The following SLC27A6 variants were observed in gnomAD, a reference collection of about 807,000 sequenced individuals.
SLC27A6 encodes long-chain fatty acid transport protein 6.
SLC27A6 carries 74 observed loss-of-function variants against 63.9 expected under a neutral mutation model. The observed-to-expected ratio is 1.16, with a 90% confidence interval of 0.96 to 1.40. The LOEUF (loss-of-function observed/expected upper bound fraction) is 1.40, where lower values mean the gene tolerates loss of function less well. Among genes scored for constraint, SLC27A6 ranks in the 40% most tolerant of loss-of-function variants. SLC27A6 has a pLI of 0.00. For missense variants in SLC27A6, 794 were observed against 732.9 expected (o/e 1.08, Z -0.96); for synonymous variants, 287 against 260.8 (o/e 1.10, Z -0.97).
intron 9 of SLC27A6, among the ~76,000 whole-genome samples, chr5:129,030,904 A>T (rs936088159): frequency 1.3e-5 from 2 of 152,000 alleles, no homozygotes; most frequent in Admixed American, 6.6e-5. Context: ...TAAAGATATG[A>T]ATAATTTCAA....
chr5:128,984,698 G>A (rs564562853), intron 1 of SLC27A6, among the ~76,000 whole-genome samples: 31 of 152,290 alleles, frequency 2.0e-4, no homozygotes, highest in African/African-American at 7.2e-4. Context: ...AGCAGTCGGG[G>A]ATTCTCCCAA....
intron 5 of SLC27A6, among the ~76,000 whole-genome samples, chr5:129,021,997 A>T (rs1218659884): frequency 2.6e-5 from 4 of 152,192 alleles, no homozygotes; most frequent in Non-Finnish European, 5.9e-5. Context: ...ATGTTAAAAC[A>T]GGAGAGAAAA....
chr5:128,994,749 T>C (rs1751097323), intron 4 of SLC27A6, among the ~76,000 whole-genome samples: 1 of 152,186 alleles, frequency 6.6e-6, no homozygotes, highest in Non-Finnish European at 1.5e-5. Context: ...CCAAAGGAAA[T>C]TTACCTGCAG....
intron 2 of SLC27A6, 151 bp downstream of exon 2, chr5:128,985,487 ACTTG>A: frequency 1.6e-6 from 1 of 626,722 alleles, no homozygotes; most frequent in Non-Finnish European, 2.8e-6. Context: ...GAACTTTCCA[ACTTG>A]GATGGAAAGT....
intron 3 of SLC27A6, among the ~76,000 whole-genome samples, chr5:128,989,851 G>A (rs1202581454): frequency 6.6e-6 from 1 of 151,026 alleles, no homozygotes; most frequent in Non-Finnish European, 1.5e-5. Context: ...ATGAACCTGG[G>A]AGGCAGAGCT....
chr5:128,998,629 G>A (rs1751236311), intron 4 of SLC27A6, among the ~76,000 whole-genome samples: 1 of 152,080 alleles, frequency 6.6e-6, no homozygotes, highest in Admixed American at 6.5e-5. Flanking sequence ...TATTCTTATT[G>A]TAGATGTGGT....
At position 129,017,411 on chromosome 5, in the gene SLC27A6, A is replaced by T. The variant is rs142716475; in HGVS notation, c.1164+1332A>T. 2.9e-3 allele frequency among the ~76,000 whole-genome samples: 435 copies of T among 152,252 alleles called. 2 individuals are homozygous for T. The highest frequency in any genetic ancestry group is 0.01 in the African/African-American group (422 of 41,576). On this transcript the variant is annotated intron_variant, in intron 5 of 9. Transcript: ENST00000262462. ...TAAATCATAAAGAAAATGTTACATT[A>T]AAAAACTTGTGCCTTAGCCAAGAAT...
At chr5:128,985,389 A>C in intron 2 of SLC27A6, 53 bp downstream of exon 2, 2 of 1,518,724 alleles carry the variant, frequency 1.3e-6, no homozygotes, top group Non-Finnish European at 1.8e-6. Flanking sequence ...TTTGCAAAGC[A>C]ACAGTGTTGG....
In SLC27A6 at chr5:129,033,145, C is replaced by A; in HGVS notation, c.1723C>A (p.His575Asn). ...AACAGGAACATTCAAACTATTGAAG[C>A]ATCAGTTGGTGGAAGATGGATTTAA... The part of the protein sequence containing the change: ...EATGTFKLLK[H>N]QLVEDGFNPL... The change falls in exon 10 of 10, where the codon CAT becomes AAT. Residue 575 changes from histidine (H) to asparagine (N), a missense_variant. Coordinates refer to ENST00000262462, the MANE Select transcript of SLC27A6 (RefSeq NM_001017372.3). 18 of 1,607,696 alleles carry A rather than the reference C, an allele frequency of 1.1e-5. No homozygotes were observed. The highest frequency in any genetic ancestry group is 1.4e-5 in the Non-Finnish European group (17 of 1,176,704).
intron 1 of SLC27A6, among the ~76,000 whole-genome samples, chr5:128,980,446 C>T (rs1487574679): frequency 6.6e-6 from 1 of 152,190 alleles, no homozygotes; most frequent in African/African-American, 2.4e-5. Flanking sequence ...AAATCCTATA[C>T]TCTAGGGAAT....
At chr5:128,991,156 A>G (rs1461021281) in intron 4 of SLC27A6, among the ~76,000 whole-genome samples, 1 of 152,128 alleles carries the variant, frequency 6.6e-6, no homozygotes, top group African/African-American at 2.4e-5. Flanking sequence ...GTGATAGATG[A>G]TTGACTATTT....
chr5:129,002,135 G>A (rs1486642987), intron 4 of SLC27A6, among the ~76,000 whole-genome samples: 2 of 152,160 alleles, frequency 1.3e-5, no homozygotes, highest in Non-Finnish European at 2.9e-5. Flanking sequence ...TGTATTAAAA[G>A]CTCTGGGCCA....
chr5:129,024,886 C>T (rs777181140), intron 6 of SLC27A6, among the ~76,000 whole-genome samples: 8 of 152,048 alleles, frequency 5.3e-5, no homozygotes, highest in Admixed American at 6.6e-5. Context: ...ATAAAAAATG[C>T]AAACTTTGTC....
chr5:128,968,655 A>G (rs938502650), intron 1 of SLC27A6, among the ~76,000 whole-genome samples: 6 of 152,004 alleles, frequency 3.9e-5, no homozygotes, highest in South Asian at 4.1e-4. Context: ...TGTAGATTCT[A>G]GATATTAGCC....
chr5:128,988,779 T>C lies in SLC27A6; in HGVS notation c.844+21T>C, dbSNP rs763970517. On this transcript the variant is annotated intron_variant, in intron 3 of 9. Transcript: ENST00000262462. ...GTTGGGTAAGGCTTTATTTTCTTTT[T>C]GATAAGTTTTCAAAATGTCTAATAA... 3.2e-6 allele frequency: 5 copies of C among 1,582,828 alleles called. No homozygotes were observed. The Admixed American group carries it at 9.2e-5, about 29-fold the overall frequency.
chr5:129,005,996 A>G (rs1751510232), intron 4 of SLC27A6, among the ~76,000 whole-genome samples: 2 of 150,752 alleles, frequency 1.3e-5, no homozygotes, highest in South Asian at 2.1e-4. Flanking sequence ...TAGTTTGCCA[A>G]TACCTAATTT....
intron 4 of SLC27A6, among the ~76,000 whole-genome samples, chr5:128,996,787 G>A (rs182058954): frequency 1.8e-3 from 267 of 152,226 alleles, no homozygotes; most frequent in African/African-American, 6.3e-3. Flanking sequence ...AGAAGATTCA[G>A]TAGTGCCAGA....
Position 129,016,080 on chromosome 5 carries a change from G to A in SLC27A6, c.1164+1G>A. 1.3e-6 allele frequency: 2 copies of A among 1,586,660 alleles called. No homozygotes were observed. The highest frequency in any genetic ancestry group is 2.3e-5 in the East Asian group (1 of 44,184). ...TGGGAGAACAAATTTGTTTTACAAA[G>A]TAAGTACAGCATTTTCCTTATTAAA... is the stretch of plus-strand genomic sequence containing the variant. On this transcript the variant is annotated splice_donor_variant, in intron 5 of 9. Transcript: ENST00000262462. LOFTEE classifies it high-confidence loss of function.
At chr5:129,005,255 C>A (rs996081615) in intron 4 of SLC27A6, among the ~76,000 whole-genome samples, 11 of 152,168 alleles carry the variant, frequency 7.2e-5, no homozygotes, top group African/African-American at 2.7e-4. Context: ...TTCTCCACTA[C>A]AAATATTAAC....
Sources: allele counts gnomAD v4.1 joint callset (sites outside exome capture counted in the v4.1 genomes callset), GRCh38; gene constraint gnomAD v4.1.1; transcripts MANE v1.5; gene names NCBI Gene and HGNC (gene_info 2026-07-23, HGNC 2026-07-21).